SARM1: variants seen among roughly 807,000 people sequenced by gnomAD.
SARM1 encodes the protein sterile alpha and TIR motif containing 1.
A neutral mutation model predicts 65.1 loss-of-function variants in SARM1; 60 were observed. That is an observed-to-expected ratio of 0.92 (90% CI 0.75 to 1.14). The LOEUF (loss-of-function observed/expected upper bound fraction) is 1.14, where lower values mean the gene tolerates loss of function less well. Ranked by LOEUF, SARM1 falls within the 50% of genes most tolerant of loss-of-function variation. The pLI, the probability that SARM1 is intolerant of heterozygous loss-of-function variation, is 0.00. For missense variants in SARM1, 913 were observed against 1,015.7 expected, an observed-to-expected ratio of 0.90 and a Z score of 1.37; for synonymous variants, 417 against 465.4, an observed-to-expected ratio of 0.90 and a Z score of 1.34.
Position 28,372,013 on chromosome 17 carries a change from T to C in SARM1, c.-20T>C, listed in dbSNP as rs1470292891. The C allele has an allele frequency of 1.4e-6, 2 of 1,461,298 alleles. No homozygotes were observed. Among genetic ancestry groups the C allele is most frequent in the Non-Finnish European group, 1.8e-6 (2 of 1,111,180 alleles). The allele number at this position is 1,461,298 out of a possible 1,614,324, so 90.5% of individuals were successfully genotyped here. A position where few individuals can be genotyped will look rare whatever the true frequency, so the allele number is the denominator to read the frequency against. ...TGGCCCCGCCTCCAGGCCGGGGATG[T>C]CCCCCGCGGCCCCGCGCCCATGGTC... is the stretch of plus-strand genomic sequence containing the variant. On this transcript the variant is annotated 5_prime_UTR_variant, in exon 1 of 9. Coordinates refer to ENST00000585482, the MANE Select transcript of SARM1 (RefSeq NM_015077.4). The surrounding 1 kb of genome is among the most constrained non-coding windows in gnomAD (Gnocchi z 5.2).
At chr17:28,392,328 A>G (rs982168776) in intron 7 of SARM1, among the ~76,000 whole-genome samples, 28 of 151,910 alleles carry the variant, frequency 1.8e-4, no homozygotes, top group Middle Eastern at 3.4e-3. Context: ...ATCTTGGCCA[A>G]GATGGTCTCG....
At chr17:28,380,216 C>T (rs555317494) in intron 1 of SARM1, among the ~76,000 whole-genome samples, 2 of 152,104 alleles carry the variant, frequency 1.3e-5, no homozygotes, top group Non-Finnish European at 2.9e-5. Flanking sequence ...CCACCTTGCC[C>T]AGCCTGGTTT....
rs534836349 is a variant in SARM1, at chr17:28,385,746, G to A, written c.1630+471G>A. 6.6e-6 allele frequency among the ~76,000 whole-genome samples: 1 copy of A among 152,244 alleles called. No homozygotes were observed. Among genetic ancestry groups the A allele is most frequent in the East Asian group, 1.9e-4 (1 of 5,176 alleles). On this transcript the variant is annotated intron_variant, in intron 5 of 8. Transcript: ENST00000585482. This position sits in a 1 kb window ranked among gnomAD's most constrained non-coding sequence, Gnocchi z 4.5. The stretch of plus-strand genomic sequence containing the variant: ...TGTGCGTATGTGTGTTATCCTATTG[G>A]CCAACAGCTTACAAAATTTGGGTCT...
intron 7 of SARM1, chr17:28,395,006 C>T (rs1555587445): frequency 7.4e-6 from 1 of 134,928 alleles, no homozygotes; most frequent in African/African-American, 2.9e-5. Context: ...ATTTGGTCTT[C>T]CTAAGTAATT....
Position 28,396,465 on chromosome 17 carries a change from TG to T in SARM1, c.*181del. The stretch of plus-strand genomic sequence containing the variant: ...CCTCCAACCCACTTTCCTCAGTATC[TG>T]GAGAGGGAAGGGAAGTCAGGCTTGG... On this transcript the variant is annotated 3_prime_UTR_variant, in exon 9 of 9. Transcript: ENST00000585482. 1 of 708,118 alleles carries T rather than the reference TG, an allele frequency of 1.4e-6. No homozygotes were observed. Among genetic ancestry groups the T allele is most frequent in the Non-Finnish European group, 2.3e-6 (1 of 434,680 alleles). 43.9% of individuals were successfully genotyped at this position (708,118 alleles called of 1,614,324 possible).
intron 1 of SARM1, among the ~76,000 whole-genome samples, chr17:28,377,368 T>C (rs1212334991): frequency 6.6e-6 from 1 of 152,042 alleles, no homozygotes; most frequent in Non-Finnish European, 1.5e-5. Context: ...AGTGGGAGGA[T>C]TGTTTGAGCC....
At chr17:28,386,822 C>G (rs1458454928) in intron 5 of SARM1, 1 of 152,216 alleles carries the variant, frequency 6.6e-6, no homozygotes, top group Non-Finnish European at 1.5e-5. Flanking sequence ...CCACTGAAGC[C>G]TCAACCTCCC....
At position 28,384,391 on chromosome 17, in the gene SARM1, A is replaced by C. The variant is rs782437027; in HGVS notation, c.1124A>C (p.Lys375Thr). ...FSDIGAIQSL[K>T]RLVSYSTNGT... Reference sequence around the variant, plus strand: ...GACATCGGCGCCATCCAGAGCCTGAAACGCCTGGTTTCCTACTCTACCAAT... The same window carrying C: ...GACATCGGCGCCATCCAGAGCCTGACACGCCTGGTTTCCTACTCTACCAAT... Residue 375 changes from lysine (K) to threonine (T), a missense_variant, in exon 3 of 9, where the codon AAA becomes ACA. Lys to Thr is a moderately conservative substitution (Grantham distance 78). This residue lies in a region of SARM1 where 862 missense variants were observed against 952.1 expected (regional missense o/e 0.91). Coordinates refer to ENST00000585482, the MANE Select transcript of SARM1 (RefSeq NM_015077.4). The surrounding 1 kb of genome is among the most constrained non-coding windows in gnomAD (Gnocchi z 4.4). The C allele has an allele frequency of 2.7e-5, 44 of 1,608,054 alleles. No individual in the cohort carries two copies. In the South Asian group the frequency reaches 4.5e-4, roughly 17 times the overall value.
In SARM1 at chr17:28,402,187, C is replaced by T. The variant is rs373800118; in HGVS notation, c.*5901C>T. On this transcript the variant is annotated 3_prime_UTR_variant, in exon 9 of 9. Coordinates refer to ENST00000585482, the MANE Select transcript of SARM1 (RefSeq NM_015077.4). ...GCCATGGCTGCCCATCAGCCCGTTTCGGGCAGCACTGGACATGAGGAACCA... is the reference window on the plus strand; with the variant it reads ...GCCATGGCTGCCCATCAGCCCGTTTTGGGCAGCACTGGACATGAGGAACCA... 2.8e-4 allele frequency: 427 copies of T among 1,509,012 alleles called. 2 individuals are homozygous for T. Among genetic ancestry groups the T allele is most frequent in the South Asian group, 6.9e-4 (56 of 81,118 alleles). 93.5% of individuals were successfully genotyped at this position (1,509,012 alleles called of 1,614,324 possible). A position where few individuals can be genotyped will look rare whatever the true frequency, so the allele number is the denominator to read the frequency against.
At chr17:28,382,877 G>A (rs1247046520) in intron 2 of SARM1, among the ~76,000 whole-genome samples, 1 of 152,196 alleles carries the variant, frequency 6.6e-6, no homozygotes, top group Non-Finnish European at 1.5e-5. Context: ...AAATGTTACA[G>A]GTTGAAGATT....
chr17:28,386,766 G>A (rs1384795463), intron 5 of SARM1: 2 of 152,016 alleles, frequency 1.3e-5, no homozygotes, highest in Non-Finnish European at 2.9e-5. Flanking sequence ...TTGAGACAAG[G>A]TCTCATTCTG....
At chr17:28,382,999 C>A (rs2068031847) in intron 2 of SARM1, among the ~76,000 whole-genome samples, 1 of 152,192 alleles carries the variant, frequency 6.6e-6, no homozygotes, top group South Asian at 2.1e-4. Context: ...CTTGTCTGTA[C>A]CCCAGCTGTC....
chr17:28,389,437 T>G (rs1292710644), intron 7 of SARM1, among the ~76,000 whole-genome samples: 1 of 152,230 alleles, frequency 6.6e-6, no homozygotes, highest in African/African-American at 2.4e-5. Context: ...TGTAGGAACT[T>G]ATTGAATACT....
At position 28,400,925 on chromosome 17, in the gene SARM1, C is replaced by A; in HGVS notation, c.*4639C>A. 1 of 705,994 alleles carries A rather than the reference C, an allele frequency of 1.4e-6. No individual in the cohort carries two copies. Among genetic ancestry groups the A allele is most frequent in the Admixed American group, 2.1e-5 (1 of 48,652 alleles). 43.7% of individuals were successfully genotyped at this position (705,994 alleles called of 1,614,324 possible). A position where few individuals can be genotyped will look rare whatever the true frequency, so the allele number is the denominator to read the frequency against. On this transcript the variant is annotated 3_prime_UTR_variant, in exon 9 of 9. Transcript: ENST00000585482. Reference sequence around the variant, plus strand: ...TACATCATGTACTGTGACAAGGATTCAGTAAGGTCATATGTGGACAGTAGC... The same window carrying A: ...TACATCATGTACTGTGACAAGGATTAAGTAAGGTCATATGTGGACAGTAGC...
chr17:28,387,235 T>C (rs571385665), intron 5 of SARM1, among the ~76,000 whole-genome samples: 1 of 151,466 alleles, frequency 6.6e-6, no homozygotes. Flanking sequence ...TCTTTTCTTT[T>C]CTTTTTTTTT....
rs993303948 is a variant in SARM1 at position 28,399,811 on chromosome 17, G to A, written c.*3525G>A. The stretch of plus-strand genomic sequence containing the variant: ...GGATTTACTGGGGTGGGCTGGTCCA[G>A]GTAGCTCTCCTGAACCTCCTCCTTC... On this transcript the variant is annotated 3_prime_UTR_variant, in exon 9 of 9. Coordinates refer to ENST00000585482, the MANE Select transcript of SARM1 (RefSeq NM_015077.4). The A allele has an allele frequency of 3.1e-6, 4 of 1,289,198 alleles. No homozygotes were observed. The highest frequency in any genetic ancestry group is 1.8e-5 in the Admixed American group (1 of 56,180). The allele number at this position is 1,289,198 out of a possible 1,614,324, so 79.9% of individuals were successfully genotyped here. A position where few individuals can be genotyped will look rare whatever the true frequency, so the allele number is the denominator to read the frequency against.
intron 1 of SARM1, among the ~76,000 whole-genome samples, chr17:28,380,299 C>T (rs192046029): frequency 6.6e-6 from 1 of 152,284 alleles, no homozygotes; most frequent in Non-Finnish European, 1.5e-5. Context: ...CACGTCAGCT[C>T]CTCTGCCCTC....
chr17:28,375,204 C>T (rs782098914), intron 1 of SARM1, among the ~76,000 whole-genome samples: 1 of 152,150 alleles, frequency 6.6e-6, no homozygotes, highest in African/African-American at 2.4e-5. Context: ...TATTCACAGT[C>T]CACCCCCTTC....
At position 28,384,718 on chromosome 17, in the gene SARM1, G is replaced by A. The variant is rs1328268653; in HGVS notation, c.1303-121G>A. On this transcript the variant is annotated intron_variant, in intron 3 of 8. Coordinates refer to ENST00000585482, the MANE Select transcript of SARM1 (RefSeq NM_015077.4). The surrounding 1 kb of genome is among the most constrained non-coding windows in gnomAD (Gnocchi z 4.4). ...ACGCAGCCACCGTTAGGGTCACTCGGCTCTGATCTAGGTCCCATCCGCCTC... is the reference window on the plus strand; with the variant it reads ...ACGCAGCCACCGTTAGGGTCACTCGACTCTGATCTAGGTCCCATCCGCCTC... The A allele has an allele frequency of 2.5e-6, 3 of 1,208,210 alleles. No individual in the cohort carries two copies. Among genetic ancestry groups the A allele is most frequent in the African/African-American group, 3.0e-5 (2 of 66,744 alleles). The allele number at this position is 1,208,210 out of a possible 1,614,324, so 74.8% of individuals were successfully genotyped here.
Sources: allele counts gnomAD v4.1 joint callset (sites outside exome capture counted in the v4.1 genomes callset), GRCh38; gene constraint gnomAD v4.1.1; regional missense constraint gnomAD v4.1.1; non-coding constraint Gnocchi (gnomAD v3.1); transcripts MANE v1.5; gene names NCBI Gene and HGNC (gene_info 2026-07-23, HGNC 2026-07-21).